WDR43: variants seen among roughly 807,000 people sequenced by gnomAD.
WDR43 encodes WD repeat domain 43, also known as WD repeat-containing protein 43.
In WDR43, 13 loss-of-function variants were observed where a neutral mutation model predicts 91.4. The observed-to-expected ratio is 0.14, with a 90% CI of 0.09 to 0.23. WDR43 has a LOEUF of 0.23. Among genes scored for constraint, WDR43 ranks in the 10% least tolerant of loss-of-function variants. The pLI is 1.00. For synonymous variants in WDR43, 331 were observed against 287.9 expected (o/e 1.15, Z -1.51); for missense variants, 780 against 809.4 (o/e 0.96, Z 0.44).
chr2:28,920,099 G>A (rs1167497503), intron 6 of WDR43, among the ~76,000 whole-genome samples: 1 of 152,024 alleles, frequency 6.6e-6, no homozygotes, highest in Non-Finnish European at 1.5e-5. Flanking sequence ...GCCTGTCTCG[G>A]CCTCCCAAAG....
chr2:28,936,558 A>G (rs1671340681), intron 12 of WDR43, among the ~76,000 whole-genome samples: 1 of 152,186 alleles, frequency 6.6e-6, no homozygotes, highest in African/African-American at 2.4e-5. Context: ...ACTCTTTTAA[A>G]GTATACATTT....
chr2:28,906,445 T>G lies in WDR43; in HGVS notation c.364-15T>G, dbSNP rs1428425168. On this transcript the variant is annotated splice_polypyrimidine_tract_variant and intron_variant, in intron 2 of 17. Coordinates refer to ENST00000407426, the MANE Select transcript of WDR43 (RefSeq NM_015131.3). Reference sequence around the variant, plus strand: ...GAGACCAGCCTTAAATTTTTTTTTTTTTTTTAATCTACAGAGTGGTGGACA... The same window carrying G: ...GAGACCAGCCTTAAATTTTTTTTTTGTTTTTAATCTACAGAGTGGTGGACA... 6.6e-7 allele frequency: 1 copy of G among 1,517,532 alleles called. No homozygotes were observed. Among genetic ancestry groups the G allele is most frequent in the East Asian group, 2.5e-5 (1 of 40,738 alleles). 94.0% of individuals were successfully genotyped at this position (1,517,532 alleles called of 1,614,324 possible). A position where few individuals can be genotyped will look rare whatever the true frequency, so the allele number is the denominator to read the frequency against.
Position 28,941,687 on chromosome 2 carries a change from G to T in WDR43, c.1734+113G>T. The stretch of plus-strand genomic sequence containing the variant: ...GCTCTGTCGCTCAGGCTGCACTGCG[G>T]TAGCATGATCATAGCTCACTGCAGC... On this transcript the variant is annotated intron_variant, in intron 15 of 17. Transcript: ENST00000407426. 5 of 785,746 alleles carry T rather than the reference G, an allele frequency of 6.4e-6. No individual in the cohort carries two copies. The South Asian group carries it at 8.5e-5, about 13-fold the overall frequency. 48.7% of individuals were successfully genotyped at this position (785,746 alleles called of 1,614,324 possible).
chr2:28,931,016 T>C (rs189785467), intron 11 of WDR43, among the ~76,000 whole-genome samples: 360 of 152,136 alleles, frequency 2.4e-3, no homozygotes, highest in African/African-American at 8.3e-3. Flanking sequence ...TCTTTAAAAA[T>C]TATCAAATAT....
intron 6 of WDR43, among the ~76,000 whole-genome samples, chr2:28,922,041 G>A (rs949056078): frequency 6.6e-6 from 1 of 152,152 alleles, no homozygotes; most frequent in Non-Finnish European, 1.5e-5. Flanking sequence ...AGCACTAAAC[G>A]TCAGAAAGAA....
intron 1 of WDR43, among the ~76,000 whole-genome samples, chr2:28,896,952 A>T (rs1273228435): frequency 1.3e-5 from 2 of 152,154 alleles, no homozygotes; most frequent in African/African-American, 4.8e-5. Context: ...ATCCCCTGAA[A>T]TTAATTGCAT....
At position 28,941,589 on chromosome 2, in the gene WDR43, T is replaced by C. The variant is rs1156469742; in HGVS notation, c.1734+15T>C. On this transcript the variant is annotated intron_variant, in intron 15 of 17. Transcript: ENST00000407426. ...TAATTACACAAGTGAGTAAATCATA[T>C]TGTTCTGGGCTAAAACTTTTGGACA... 2.5e-6 allele frequency: 4 copies of C among 1,580,102 alleles called. No individual in the cohort carries two copies. The highest frequency in any genetic ancestry group is 3.5e-6 in the Non-Finnish European group (4 of 1,155,538).
chr2:28,902,233 G>A lies in WDR43; in HGVS notation c.363+109G>A, dbSNP rs912528282. The A allele has an allele frequency of 2.6e-6, 3 of 1,175,022 alleles. No homozygotes were observed. In the African/African-American group the frequency reaches 4.7e-5, roughly 18 times the overall value. 72.8% of individuals were successfully genotyped at this position (1,175,022 alleles called of 1,614,324 possible). On this transcript the variant is annotated intron_variant, in intron 2 of 17. Coordinates refer to ENST00000407426, the MANE Select transcript of WDR43 (RefSeq NM_015131.3). Reference sequence around the variant, plus strand: ...TATGTGATGGGATCTGTGCAGTAGGGACAGTTTTCAGTCTCATCTACGTTT... The same window carrying A: ...TATGTGATGGGATCTGTGCAGTAGGAACAGTTTTCAGTCTCATCTACGTTT...
intron 2 of WDR43, among the ~76,000 whole-genome samples, chr2:28,904,730 TAGGA>T (rs1332372062): frequency 6.6e-6 from 1 of 152,256 alleles, no homozygotes; most frequent in East Asian, 1.9e-4. Context: ...ACACAGCTGA[TAGGA>T]AGGAAGGAAA....
At chr2:28,927,284 C>T (rs576976469) in intron 9 of WDR43, 15 of 441,964 alleles carry the variant, frequency 3.4e-5, no homozygotes, top group East Asian at 1.5e-4. Flanking sequence ...TGTATACCAA[C>T]GTTAGTGACA....
intron 14 of WDR43, among the ~76,000 whole-genome samples, chr2:28,940,129 AG>A (rs1671407915): frequency 1.3e-5 from 2 of 150,500 alleles, no homozygotes; most frequent in South Asian, 4.2e-4. Context: ...AAAAAAAAAA[AG>A]AATGGAGTCC....
chr2:28,897,082 C>T (rs1387575380), intron 1 of WDR43, among the ~76,000 whole-genome samples: 1 of 152,080 alleles, frequency 6.6e-6, no homozygotes, highest in East Asian at 1.9e-4. Context: ...TGGTCAAGTG[C>T]CCCGATTTTG....
chr2:28,934,469 A>C (rs1262760892), intron 11 of WDR43, among the ~76,000 whole-genome samples: 1 of 152,218 alleles, frequency 6.6e-6, no homozygotes, highest in Non-Finnish European at 1.5e-5. Context: ...CTTGTCTTCA[A>C]CACCACCTTC....
intron 5 of WDR43, among the ~76,000 whole-genome samples, chr2:28,917,219 G>A (rs7419369): frequency 0.67 from 102,566 of 152,022 alleles, 35,206 homozygotes; most frequent in East Asian, 0.85. Flanking sequence ...CAGATTTTTC[G>A]CTAGTCTACA....
chr2:28,946,693 A>G lies in WDR43; in HGVS notation c.1948A>G (p.Asn650Asp). ...DEDAEGKDEE[N>D]GEDRDTASEK... Reference sequence around the variant, plus strand: ...GGATGCCGAAGGAAAAGATGAAGAAAATGGCGAGGACAGAGATACAGCAAG... The same window carrying G: ...GGATGCCGAAGGAAAAGATGAAGAAGATGGCGAGGACAGAGATACAGCAAG... The change falls in exon 18 of 18, where the codon AAT becomes GAT. Residue 650 changes from asparagine to aspartate, a missense_variant. By Grantham distance (23) the Asn-to-Asp change is conservative. Coordinates refer to ENST00000407426, the MANE Select transcript of WDR43 (RefSeq NM_015131.3). 6.3e-7 allele frequency: 1 copy of G among 1,575,684 alleles called. No homozygotes were observed. Among genetic ancestry groups the G allele is most frequent in the East Asian group, 2.3e-5 (1 of 43,108 alleles).
intron 14 of WDR43, among the ~76,000 whole-genome samples, chr2:28,939,351 G>GGAGA (rs746227763): frequency 3.9e-5 from 6 of 152,210 alleles, no homozygotes; most frequent in Middle Eastern, 3.2e-3. Flanking sequence ...TTAGAAGTGA[G>GGAGA]GAGAGACCCG....
intron 1 of WDR43, among the ~76,000 whole-genome samples, chr2:28,898,696 A>G (rs192333913): frequency 1.4e-4 from 20 of 147,000 alleles, no homozygotes; most frequent in African/African-American, 5.0e-4. Flanking sequence ...TTGTAACATT[A>G]AAAAAAAAAC....
chr2:28,895,372 T>G, intron 1 of WDR43: 1 of 156,244 alleles, frequency 6.4e-6, no homozygotes, highest in Non-Finnish European at 1.4e-5. Flanking sequence ...TAGTCTGTAC[T>G]TGCTTCCGGA....
At chr2:28,917,865 T>C in intron 5 of WDR43, 28 bp from the exon 6 acceptor site, 2 of 1,547,810 alleles carry the variant, frequency 1.3e-6, no homozygotes, top group Non-Finnish European at 1.7e-6. Context: ...TCTGTCTTGC[T>C]ATCTAACTTG....
Sources: allele counts gnomAD v4.1 joint callset (sites outside exome capture counted in the v4.1 genomes callset), GRCh38; gene constraint gnomAD v4.1.1; transcripts MANE v1.5; gene names NCBI Gene and HGNC (gene_info 2026-07-23, HGNC 2026-07-21).